The following VGLL4 variants were observed in gnomAD, a reference collection of about 807,000 sequenced individuals.
VGLL4 encodes vestigial like family member 4.
Under a neutral mutation model 21.0 loss-of-function variants are expected in VGLL4, and 7 were observed. The ratio of observed to expected loss-of-function variants is 0.33; its 90% CI spans 0.19 to 0.63. The LOEUF is 0.63. VGLL4 is among the 20% of genes least tolerant of loss of function. VGLL4 has a pLI of 0.78. For missense variants in VGLL4, 394 were observed against 425.7 expected, an observed-to-expected ratio of 0.93 and a Z score of 0.66; for synonymous variants, 222 against 173.2, an observed-to-expected ratio of 1.28 and a Z score of -2.21.
intron 1 of VGLL4, among the ~76,000 whole-genome samples, chr3:11,706,436 T>C (rs2076761878): frequency 6.6e-6 from 1 of 152,196 alleles, no homozygotes; most frequent in Non-Finnish European, 1.5e-5. Context: ...GTTCGGAAAC[T>C]AAATTTTATA....
chr3:11,656,448 T>C (rs113906991), intron 2 of VGLL4, among the ~76,000 whole-genome samples: 22 of 152,248 alleles, frequency 1.4e-4, no homozygotes, highest in African/African-American at 5.3e-4. Context: ...GCAGGGCCTT[T>C]AGGCTGGAAG....
intron 2 of VGLL4, among the ~76,000 whole-genome samples, chr3:11,694,992 A>G (rs2076583590): frequency 6.6e-6 from 1 of 152,136 alleles, no homozygotes; most frequent in East Asian, 1.9e-4. Context: ...TATGCTTTAT[A>G]TATTCAAGTA....
At chr3:11,644,727 T>G (rs1381636991), upstream of VGLL4, among the ~76,000 whole-genome samples, 1 of 151,088 alleles carries the variant, frequency 6.6e-6, no homozygotes, top group Non-Finnish European at 1.5e-5. Context: ...ACGCCTGTAG[T>G]CCCAGCTACT....
intron 1 of VGLL4, among the ~76,000 whole-genome samples, chr3:11,641,310 C>T (rs2075684882): frequency 6.6e-6 from 1 of 152,104 alleles, no homozygotes; most frequent in African/African-American, 2.4e-5. Context: ...TGACTGTGCC[C>T]TAAATGAAAT....
chr3:11,591,406 T>C (rs2125245180), intron 2 of VGLL4, among the ~76,000 whole-genome samples: 1 of 152,334 alleles, frequency 6.6e-6, no homozygotes, highest in Non-Finnish European at 1.5e-5. Flanking sequence ...CTTCTCTGAC[T>C]CCTGTCCCCC....
intron 1 of VGLL4, among the ~76,000 whole-genome samples, chr3:11,605,530 C>T (rs567056274): frequency 4.0e-4 from 61 of 152,080 alleles, no homozygotes; most frequent in African/African-American, 1.4e-3. Flanking sequence ...GTTCTTCCCC[C>T]AATCTTCTCA....
intron 2 of VGLL4, among the ~76,000 whole-genome samples, chr3:11,655,665 G>A (rs1392576090): frequency 1.3e-5 from 2 of 152,330 alleles, no homozygotes; most frequent in South Asian, 2.1e-4. Flanking sequence ...TGGGGAGTGC[G>A]GGGACTAAGG....
intron 2 of VGLL4, among the ~76,000 whole-genome samples, chr3:11,692,747 G>A (rs980966282): frequency 2.6e-5 from 4 of 151,640 alleles, no homozygotes; most frequent in African/African-American, 7.3e-5. Context: ...TTTTGAGGGG[G>A]GGTGGGGGGA....
chr3:11,645,603 C>CAAAAAA (rs34230304), upstream of VGLL4, among the ~76,000 whole-genome samples: 3 of 77,398 alleles, frequency 3.9e-5, no homozygotes, highest in East Asian at 4.1e-4. Flanking sequence ...GACTCCGTCT[C>CAAAAAA]AAAAAAAAAA....
At chr3:11,701,864 G>A (rs1020386420) in intron 2 of VGLL4, among the ~76,000 whole-genome samples, 8 of 152,140 alleles carry the variant, frequency 5.3e-5, no homozygotes, top group Non-Finnish European at 1.0e-4. Flanking sequence ...GTTCCTACAT[G>A]AAACAGTAAT....
intron 1 of VGLL4, among the ~76,000 whole-genome samples, chr3:11,627,144 CT>C (rs1426124093): frequency 3.3e-5 from 5 of 151,794 alleles, no homozygotes; most frequent in African/African-American, 1.2e-4. Flanking sequence ...TAGCTCTTCA[CT>C]TTATAGGCAT....
chr3:11,660,199 A>G (rs560432925), intron 2 of VGLL4, among the ~76,000 whole-genome samples: 57 of 152,142 alleles, frequency 3.7e-4, no homozygotes, highest in Non-Finnish European at 2.9e-5. Context: ...GCCAGCCAGC[A>G]GTTAGCTAGA....
At chr3:11,629,052 A>G (rs1282133432) in intron 1 of VGLL4, among the ~76,000 whole-genome samples, 2 of 152,238 alleles carry the variant, frequency 1.3e-5, no homozygotes, top group East Asian at 3.9e-4. Context: ...TATAGGAAAA[A>G]TAAGTAGACA....
At chr3:11,651,186 C>CA (rs1007645692) in intron 2 of VGLL4, among the ~76,000 whole-genome samples, 4 of 151,626 alleles carry the variant, frequency 2.6e-5, no homozygotes, top group Admixed American at 6.6e-5. Flanking sequence ...CTCCTAAATA[C>CA]AAAAAAATTA....
At chr3:11,623,306 T>G (rs1478014429) in intron 1 of VGLL4, among the ~76,000 whole-genome samples, 1 of 152,168 alleles carries the variant, frequency 6.6e-6, no homozygotes, top group Non-Finnish European at 1.5e-5. Flanking sequence ...TAAAGAGAAA[T>G]TAGTCATCCT....
intron 1 of VGLL4, among the ~76,000 whole-genome samples, chr3:11,708,595 G>A (rs774441336): frequency 5.3e-5 from 8 of 152,150 alleles, no homozygotes; most frequent in Non-Finnish European, 1.0e-4. Context: ...GGAATGGCCC[G>A]AAAAGCTTCA....
intron 1 of VGLL4, among the ~76,000 whole-genome samples, chr3:11,625,978 T>G (rs1443507464): frequency 6.6e-6 from 1 of 152,208 alleles, no homozygotes; most frequent in East Asian, 1.9e-4. Context: ...GTGATAACTG[T>G]ACAACTCTGT....
intron 2 of VGLL4, among the ~76,000 whole-genome samples, chr3:11,589,429 A>C (rs1430460642): frequency 6.6e-6 from 1 of 152,192 alleles, no homozygotes; most frequent in East Asian, 1.9e-4. Context: ...TCACGGAATT[A>C]AACACCATTT....
intron 2 of VGLL4, chr3:11,569,032 C>G: frequency 1.3e-6 from 1 of 767,444 alleles, no homozygotes; most frequent in Non-Finnish European, 1.6e-6. Context: ...GAAAGCCACA[C>G]GCTCTCTAAG....
Sources: allele counts gnomAD v4.1 joint callset (sites outside exome capture counted in the v4.1 genomes callset), GRCh38; gene constraint gnomAD v4.1.1; transcripts MANE v1.5; gene names NCBI Gene and HGNC (gene_info 2026-07-23, HGNC 2026-07-21).